Variants in IPO11 observed in about 807,000 individuals in gnomAD.
IPO11 encodes importin-11.
A neutral mutation model predicts 143.2 loss-of-function variants in IPO11; 66 were observed. The observed-to-expected ratio is 0.46, with a 90% confidence interval of 0.38 to 0.57. The LOEUF (loss-of-function observed/expected upper bound fraction) is 0.57. IPO11 is among the 20% of genes least tolerant of loss of function. The pLI is 0.00. For missense variants in IPO11, 1,026 were observed against 1,141.0 expected, an observed-to-expected ratio of 0.90 and a Z score of 1.45; for synonymous variants, 385 against 377.8, an observed-to-expected ratio of 1.02 and a Z score of -0.22.
intron 8 of IPO11, among the ~76,000 whole-genome samples, chr5:62,475,086 AAT>A (rs1745907002): frequency 6.6e-6 from 1 of 152,142 alleles, no homozygotes; most frequent in East Asian, 1.9e-4. Context: ...CTGTACTGGT[AAT>A]GAGTGTAGAG....
chr5:62,546,158 T>C (rs1743169668), intron 24 of IPO11, among the ~76,000 whole-genome samples: 1 of 152,202 alleles, frequency 6.6e-6, no homozygotes, highest in African/African-American at 2.4e-5. Context: ...CGTATGTTTA[T>C]TGCAGCACTA....
chr5:62,590,278 C>G (rs1744961113), intron 27 of IPO11, among the ~76,000 whole-genome samples: 1 of 152,136 alleles, frequency 6.6e-6, no homozygotes, highest in Non-Finnish European at 1.5e-5. Context: ...TGGATTAAAA[C>G]TAATAAATCA....
chr5:62,426,929 C>CTTTTTTTTTTT (rs1418832059), intron 1 of IPO11, among the ~76,000 whole-genome samples: 1 of 95,454 alleles, frequency 1.0e-5, no homozygotes, highest in African/African-American at 3.7e-5. Context: ...TTTTTTCTTT[C>CTTTTTTTTTTT]TGTTTTTTTT....
At chr5:62,624,998 A>AAAAG (rs1375608666) in intron 29 of IPO11, among the ~76,000 whole-genome samples, 29 of 151,812 alleles carry the variant, frequency 1.9e-4, no homozygotes, top group Non-Finnish European at 4.3e-4. Flanking sequence ...AAAAAAAAAA[A>AAAAG]AAGATGGAGT....
chr5:62,564,817 C>T (rs1743880409), intron 27 of IPO11, among the ~76,000 whole-genome samples: 1 of 152,164 alleles, frequency 6.6e-6, no homozygotes, highest in Admixed American at 6.6e-5. Context: ...TTTACTCTAA[C>T]CCACTACTTT....
At chr5:62,627,015 T>G (rs1746607122) in intron 29 of IPO11, 139 bp from the exon 30 acceptor site, 10 of 601,026 alleles carry the variant, frequency 1.7e-5, no homozygotes, top group Non-Finnish European at 2.8e-5. Context: ...ACCATGAGAT[T>G]AGTACAGAAT....
chr5:62,537,220 A>C lies in IPO11; in HGVS notation c.2181A>C (p.Val727=). The C allele has an allele frequency of 6.3e-7, 1 of 1,596,150 alleles. No homozygotes were observed. The highest frequency in any genetic ancestry group is 8.6e-7 in the Non-Finnish European group (1 of 1,166,510). Residue 727 remains valine (V), a synonymous_variant, in exon 24 of 30, where the codon GTA becomes GTC. Coordinates refer to ENST00000325324, the MANE Select transcript of IPO11 (RefSeq NM_016338.5). ...SSTEFLQTYA[V]GLCQSFCELL... ...TAATTGAATTTCAGACATACGCAGT[A>C]GGTCTATGCCAGTCCTTTTGTGAAC...
chr5:62,429,072 A>G (rs1458554420), intron 1 of IPO11, among the ~76,000 whole-genome samples: 1 of 152,208 alleles, frequency 6.6e-6, no homozygotes, highest in African/African-American at 2.4e-5. Flanking sequence ...AGGGTATACA[A>G]TTCAGTAGTT....
chr5:62,593,977 A>G (rs1401888423), intron 28 of IPO11, among the ~76,000 whole-genome samples: 2 of 152,218 alleles, frequency 1.3e-5, no homozygotes, highest in Non-Finnish European at 2.9e-5. Context: ...CATAAAATAC[A>G]TACTTATGTA....
intron 3 of IPO11, among the ~76,000 whole-genome samples, chr5:62,446,923 T>C (rs1463300885): frequency 1.3e-5 from 2 of 151,316 alleles, no homozygotes; most frequent in Non-Finnish European, 2.9e-5. Flanking sequence ...GCTGAGATCA[T>C]GCCACTGTAC....
At position 62,515,368 on chromosome 5, in the gene IPO11, C is replaced by T; in HGVS notation, c.1783-20C>T. 2.6e-6 allele frequency: 4 copies of T among 1,546,756 alleles called. No homozygotes were observed. Among genetic ancestry groups the T allele is most frequent in the Non-Finnish European group, 3.5e-6 (4 of 1,144,540 alleles). Reference sequence around the variant, plus strand: ...TTTACCAATAAAATTTTGTTGTTTCCTCTACTTATATTGTAATAGATACGA... The same window carrying T: ...TTTACCAATAAAATTTTGTTGTTTCTTCTACTTATATTGTAATAGATACGA... On this transcript the variant is annotated intron_variant, in intron 19 of 29. Transcript: ENST00000325324.
chr5:62,483,413 C>T, intron 10 of IPO11, 120 bp downstream of exon 10: 2 of 643,566 alleles, frequency 3.1e-6, no homozygotes, highest in South Asian at 4.8e-5. Context: ...GTTGCTGGGA[C>T]ATGAAAAAGA....
chr5:62,467,337 G>T, intron 6 of IPO11, 74 bp downstream of exon 6: 1 of 1,431,978 alleles, frequency 7.0e-7, no homozygotes, highest in Non-Finnish European at 9.4e-7. Flanking sequence ...TCCTTTAGAC[G>T]GGTTTTCTGT....
At chr5:62,432,104 A>G (rs149628206) in intron 1 of IPO11, among the ~76,000 whole-genome samples, 1 of 152,260 alleles carries the variant, frequency 6.6e-6, no homozygotes, top group African/African-American at 2.4e-5. Context: ...CTATTTTCCC[A>G]TTTACTAACA....
chr5:62,422,823 T>A (rs1743567132), intron 1 of IPO11, among the ~76,000 whole-genome samples: 1 of 152,206 alleles, frequency 6.6e-6, no homozygotes, highest in Non-Finnish European at 1.5e-5. Context: ...TGTTTCCCAT[T>A]TATTTGTCTC....
chr5:62,624,408 T>A (rs955378638), intron 29 of IPO11, among the ~76,000 whole-genome samples: 2 of 152,150 alleles, frequency 1.3e-5, no homozygotes, highest in Admixed American at 1.3e-4. Flanking sequence ...AATACCACCA[T>A]GGCATTTGTA....
At chr5:62,620,126 A>G (rs1411603726) in intron 29 of IPO11, among the ~76,000 whole-genome samples, 2 of 152,188 alleles carry the variant, frequency 1.3e-5, no homozygotes, top group Non-Finnish European at 2.9e-5. Context: ...GGCCTGTGAT[A>G]TAGGCCTCAG....
At chr5:62,465,288 A>G (rs761438326) in intron 5 of IPO11, among the ~76,000 whole-genome samples, 9 of 152,186 alleles carry the variant, frequency 5.9e-5, no homozygotes, top group Non-Finnish European at 1.3e-4. Context: ...AGTACAATAA[A>G]ATTTAGGATG....
At chr5:62,487,624 A>C in intron 12 of IPO11, 147 bp from the exon 13 acceptor site, 1 of 764,846 alleles carries the variant, frequency 1.3e-6, no homozygotes, top group Non-Finnish European at 1.7e-6. Flanking sequence ...AAAAAATGGT[A>C]ACCTTACTTT....
Sources: gnomAD v4.1 joint callset for allele counts (sites outside exome capture counted in the v4.1 genomes callset) on GRCh38, gnomAD v4.1.1 for gene constraint, MANE v1.5 for transcripts, NCBI Gene and HGNC (gene_info 2026-07-23, HGNC 2026-07-21) for gene names.